The following TSFM variants were observed in gnomAD, a reference collection of about 807,000 sequenced individuals.
The protein encoded by TSFM is Ts translation elongation factor, mitochondrial.
A neutral mutation model predicts 33.4 loss-of-function variants in TSFM; 29 were observed. That is an observed-to-expected ratio of 0.87 (90% CI 0.65 to 1.18). The LOEUF is 1.18. Among genes scored for constraint, TSFM ranks in the 50% most tolerant of loss-of-function variants. TSFM has a pLI of 0.00. For missense variants in TSFM, 394 were observed against 395.6 expected (o/e 1.00, Z 0.04); for synonymous variants, 178 against 163.5 (o/e 1.09, Z -0.68).
downstream of TSFM, chr12:57,801,049 C>T: frequency 1.0e-6 from 1 of 996,314 alleles, no homozygotes; most frequent in Non-Finnish European, 1.5e-6. Flanking sequence ...ATACTAAGGA[C>T]ATGAGTTTTG....
chr12:57,791,150 T>G (rs769632495), intron 4 of TSFM, among the ~76,000 whole-genome samples: 1 of 151,592 alleles, frequency 6.6e-6, no homozygotes, highest in Non-Finnish European at 1.5e-5. Flanking sequence ...GCTGAGATTA[T>G]AGGTGCCCGC....
downstream of TSFM, chr12:57,801,255 T>C (rs112274200): frequency 5.9e-3 from 8,984 of 1,534,584 alleles, 270 homozygotes; most frequent in South Asian, 0.062. Context: ...GTCTTTCTTA[T>C]AGGGGAGGGA....
At chr12:57,798,375 C>G (rs542033188), downstream of TSFM, among the ~76,000 whole-genome samples, 50 of 152,306 alleles carry the variant, frequency 3.3e-4, no homozygotes, top group African/African-American at 1.1e-3. Context: ...CATTTTTACC[C>G]ATAAATTTTC....
intron 4 of TSFM, among the ~76,000 whole-genome samples, chr12:57,787,949 C>T (rs1955611638): frequency 6.6e-6 from 1 of 151,938 alleles, no homozygotes; most frequent in Non-Finnish European, 1.5e-5. Context: ...TTGGAAAAGA[C>T]ATGGTTTAGG....
At chr12:57,791,919 T>C in intron 4 of TSFM, 1 of 371,768 alleles carries the variant, frequency 2.7e-6, no homozygotes. Flanking sequence ...TGTGCAAATC[T>C]AGCTCTAACA....
chr12:57,792,338 A>G (rs1955673722), intron 4 of TSFM, among the ~76,000 whole-genome samples: 1 of 152,238 alleles, frequency 6.6e-6, no homozygotes. Flanking sequence ...CTCTTAAGCT[A>G]AGAGTTCAAG....
downstream of TSFM, chr12:57,802,337 C>T: frequency 6.2e-7 from 1 of 1,611,704 alleles, no homozygotes; most frequent in African/African-American, 1.3e-5. Flanking sequence ...CAGCCCCAAT[C>T]CACAAGAACA....
At chr12:57,794,828 C>T (rs539450354) in intron 5 of TSFM, among the ~76,000 whole-genome samples, 2 of 151,940 alleles carry the variant, frequency 1.3e-5, no homozygotes, top group African/African-American at 4.8e-5. Context: ...GGCACAATCT[C>T]GGCTCACTGC....
Position 57,797,123 on chromosome 12 carries a change from A to C in TSFM, c.*540A>C, listed in dbSNP as rs1386712601. 1.0e-6 allele frequency: 1 copy of C among 985,340 alleles called. No homozygotes were observed. The highest frequency in any genetic ancestry group is 1.7e-5 in the African/African-American group (1 of 57,238). The allele number at this position is 985,340 out of a possible 1,614,324, so 61.0% of individuals were successfully genotyped here. ...TGGTAGACACACTGGTTCTGGCCTC[A>C]TTTAATGAAATTAATAACACATGCC... On this transcript the variant is annotated 3_prime_UTR_variant, in exon 6 of 6. Transcript: ENST00000652027.
chr12:57,802,130 A>C (rs1228804342), downstream of TSFM: 1 of 1,610,248 alleles, frequency 6.2e-7, no homozygotes, highest in South Asian at 1.1e-5. Flanking sequence ...CCTGGCAGGA[A>C]GTTAGAGCTT....
chr12:57,785,205 C>A (rs1481466995), intron 2 of TSFM, among the ~76,000 whole-genome samples: 1 of 152,056 alleles, frequency 6.6e-6, no homozygotes, highest in Non-Finnish European at 1.5e-5. Context: ...GGATTACAGG[C>A]GTGAGCCACA....
chr12:57,798,046 C>T, downstream of TSFM: 2 of 1,401,422 alleles, frequency 1.4e-6, no homozygotes, highest in Admixed American at 2.1e-5. Flanking sequence ...GACATCATTG[C>T]CAACAGAAGT....
downstream of TSFM, chr12:57,798,046 C>A: frequency 2.1e-6 from 3 of 1,401,414 alleles, no homozygotes; most frequent in Non-Finnish European, 2.9e-6. Flanking sequence ...GACATCATTG[C>A]CAACAGAAGT....
At chr12:57,783,901 C>T (rs1955551784) in intron 2 of TSFM, 1 of 697,484 alleles carries the variant, frequency 1.4e-6, no homozygotes, top group African/African-American at 1.7e-5. Flanking sequence ...CAGGAGTGAG[C>T]CACCGCGCCC....
intron 3 of TSFM, 69 bp downstream of exon 3, chr12:57,786,360 A>G: frequency 6.0e-6 from 9 of 1,509,500 alleles, no homozygotes; most frequent in Non-Finnish European, 8.0e-6. Context: ...AGTAGGCCCT[A>G]AAGGGGCCTG....
downstream of TSFM, chr12:57,802,333 C>T: frequency 6.2e-7 from 1 of 1,612,022 alleles, no homozygotes; most frequent in East Asian, 2.2e-5. Flanking sequence ...GCCTCAGCCC[C>T]AATCCACAAG....
intron 1 of TSFM, 126 bp downstream of exon 1, chr12:57,782,984 A>T: frequency 6.8e-7 from 1 of 1,470,064 alleles, no homozygotes; most frequent in South Asian, 1.3e-5. Flanking sequence ...GCCTCTGCCC[A>T]GTCCAGCCCC....
At position 57,797,469 on chromosome 12, in the gene TSFM, A is replaced by G. The variant is rs928918291; in HGVS notation, c.*886A>G. 2 of 983,300 alleles carry G rather than the reference A, an allele frequency of 2.0e-6. No individual in the cohort carries two copies. The highest frequency in any genetic ancestry group is 3.5e-5 in the African/African-American group (2 of 57,200). The allele number at this position is 983,300 out of a possible 1,614,324, so 60.9% of individuals were successfully genotyped here. A position where few individuals can be genotyped will look rare whatever the true frequency, so the allele number is the denominator to read the frequency against. On this transcript the variant is annotated 3_prime_UTR_variant, in exon 6 of 6. Transcript: ENST00000652027. ...TGGATTTTGCCTATGGAGTGCATAT[A>G]TGATTTCAATGATTTACAGGCTAAA...
downstream of TSFM, among the ~76,000 whole-genome samples, chr12:57,798,904 C>T (rs1465418144): frequency 1.3e-5 from 2 of 152,114 alleles, no homozygotes; most frequent in Admixed American, 6.6e-5. Flanking sequence ...TATGAGCCAC[C>T]GTGCCCGGCC....
Sources: allele counts gnomAD v4.1 joint callset (sites outside exome capture counted in the v4.1 genomes callset), GRCh38; gene constraint gnomAD v4.1.1; transcripts MANE v1.5; gene names NCBI Gene and HGNC (gene_info 2026-07-23, HGNC 2026-07-21).